The following KCNC2 variants were observed in gnomAD, a reference collection of about 807,000 sequenced individuals.
KCNC2 encodes the protein potassium voltage-gated channel subfamily C member 2.
Under a neutral mutation model 44.5 loss-of-function variants are expected in KCNC2, and 21 were observed. The observed-to-expected ratio is 0.47, with a 90% CI of 0.33 to 0.68. KCNC2 has a LOEUF of 0.68. KCNC2 is among the 30% of genes least tolerant of loss of function. The probability of loss-of-function intolerance (pLI) is 0.01; values close to 1 mark genes in which losing one functional copy is unlikely to be tolerated. For synonymous variants in KCNC2, 391 were observed against 339.1 expected (o/e 1.15, Z -1.68); for missense variants, 589 against 826.2 (o/e 0.71, Z 3.52).
intron 2 of KCNC2, among the ~76,000 whole-genome samples, chr12:75,137,661 A>G (rs750093210): frequency 3.3e-5 from 5 of 152,210 alleles, no homozygotes; most frequent in Non-Finnish European, 7.4e-5. Context: ...TATACAGATC[A>G]TCCATATTTC....
chr12:75,051,356 T>C, intron 2 of KCNC2, 39 bp from the exon 3 acceptor site: 1 of 1,118,122 alleles, frequency 8.9e-7, no homozygotes, highest in South Asian at 1.6e-5. Context: ...CATAGTGATC[T>C]GAATCGTAAT....
chr12:75,145,824 T>C (rs1889983065), intron 2 of KCNC2, among the ~76,000 whole-genome samples: 4 of 152,294 alleles, frequency 2.6e-5, no homozygotes. Flanking sequence ...AAATGAACAC[T>C]TTCATGTCCA....
intron 2 of KCNC2, among the ~76,000 whole-genome samples, chr12:75,200,076 A>C (rs1441815198): frequency 6.6e-6 from 1 of 151,786 alleles, no homozygotes; most frequent in Non-Finnish European, 1.5e-5. Context: ...AAATAAGGCA[A>C]ATCCCTAAAA....
chr12:75,107,301 C>T (rs1886869558), intron 2 of KCNC2, among the ~76,000 whole-genome samples: 1 of 149,996 alleles, frequency 6.7e-6, no homozygotes, highest in Non-Finnish European at 1.5e-5. Flanking sequence ...GAGACTCCAT[C>T]TCAAAAAAAT....
At chr12:75,135,999 T>C (rs1255096792) in intron 2 of KCNC2, among the ~76,000 whole-genome samples, 21 of 151,956 alleles carry the variant, frequency 1.4e-4, no homozygotes, top group Non-Finnish European at 2.9e-5. Context: ...CAGAGAAAAA[T>C]TTCCCTCCAC....
chr12:75,207,346 G>A lies in KCNC2; in HGVS notation c.638C>T (p.Pro213Leu), dbSNP rs2031768760. 1.3e-6 allele frequency: 2 copies of A among 1,575,700 alleles called. No individual in the cohort carries two copies. The highest frequency in any genetic ancestry group is 2.3e-5 in the East Asian group (1 of 42,698). Residue 213 changes from proline to leucine, a missense_variant, in exon 2 of 5, where the codon CCC becomes CTC. Physicochemically the swap from Pro to Leu is moderately conservative, Grantham distance 98. Transcript: ENST00000549446. The surrounding 1 kb of genome is among the most constrained non-coding windows in gnomAD (Gnocchi z 4.1). ...GKSGRWRRLQPRMWALFEDPY... is the reference protein window; with the variant it reads ...GKSGRWRRLQLRMWALFEDPY... ...GTCTTCGAAGAGGGCCCACATGCGGGGCTGCAGCCTCCTCCAGCGGCCAGA... is the reference window on the plus strand; with the variant it reads ...GTCTTCGAAGAGGGCCCACATGCGGAGCTGCAGCCTCCTCCAGCGGCCAGA...
At chr12:75,076,038 TACACACACACACACACACACAC>T (rs71078709) in intron 2 of KCNC2, among the ~76,000 whole-genome samples, 1 of 141,344 alleles carries the variant, frequency 7.1e-6, no homozygotes. Flanking sequence ...TAATGTTACA[TACACACACACACACACACACAC>T]ACACACACAC....
chr12:75,103,887 T>C (rs1348647735), intron 2 of KCNC2, among the ~76,000 whole-genome samples: 1 of 152,218 alleles, frequency 6.6e-6, no homozygotes, highest in African/African-American at 2.4e-5. Context: ...AAAATATCTA[T>C]GGTACTGTAC....
At chr12:75,139,587 G>C (rs957055639) in intron 2 of KCNC2, among the ~76,000 whole-genome samples, 1 of 152,116 alleles carries the variant, frequency 6.6e-6, no homozygotes. Context: ...CCCTGACTCA[G>C]CCTTTCTCTC....
At chr12:75,096,603 G>GT (rs1425233438) in intron 2 of KCNC2, among the ~76,000 whole-genome samples, 1 of 151,992 alleles carries the variant, frequency 6.6e-6, no homozygotes, top group African/African-American at 2.4e-5. Flanking sequence ...CTGAGTGACA[G>GT]TAAGAGGCAG....
intron 2 of KCNC2, among the ~76,000 whole-genome samples, chr12:75,149,787 G>A (rs551317992): frequency 3.6e-4 from 54 of 151,544 alleles, no homozygotes; most frequent in Non-Finnish European, 4.7e-4. Flanking sequence ...ATAAAAATGC[G>A]TAAATATAAT....
Position 75,199,969 on chromosome 12 carries a change from T to C in KCNC2, c.687+7328A>G, listed in dbSNP as rs564626868. ...AAGGGAAAAAAAGTGGTTAAGTGCA[T>C]AAGCAGGCTATTTTTAAGGCTTTTT... On this transcript the variant is annotated intron_variant, in intron 2 of 4. Transcript: ENST00000549446. 4.6e-5 allele frequency among the ~76,000 whole-genome samples: 7 copies of C among 151,920 alleles called. No homozygotes were observed. The East Asian group carries it at 1.4e-3, about 29-fold the overall frequency.
rs373084311 is a variant in KCNC2 at position 75,117,889 on chromosome 12, A to G, written c.688-66572T>C. 9.1e-4 allele frequency among the ~76,000 whole-genome samples: 138 copies of G among 152,280 alleles called. 2 individuals are homozygous for G. The South Asian group carries it at 0.024, about 27-fold the overall frequency. On this transcript the variant is annotated intron_variant, in intron 2 of 4. Transcript: ENST00000549446. ...GGCAATGAAGTTTGGGCATTACACAACTAAAGAGGTTACTACTCACCCATA... is the reference window on the plus strand; with the variant it reads ...GGCAATGAAGTTTGGGCATTACACAGCTAAAGAGGTTACTACTCACCCATA...
intron 2 of KCNC2, among the ~76,000 whole-genome samples, chr12:75,059,248 G>C (rs1460639011): frequency 6.6e-6 from 1 of 152,108 alleles, no homozygotes; most frequent in African/African-American, 2.4e-5. Context: ...GCCTTAACAA[G>C]TTAACTATAT....
chr12:75,106,419 T>A (rs1466627100), intron 2 of KCNC2, among the ~76,000 whole-genome samples: 1 of 152,142 alleles, frequency 6.6e-6, no homozygotes, highest in Non-Finnish European at 1.5e-5. Flanking sequence ...GTTATTCCGG[T>A]GGTAAGCTAA....
chr12:75,105,921 T>C (rs1370632204), intron 2 of KCNC2, among the ~76,000 whole-genome samples: 1 of 151,872 alleles, frequency 6.6e-6, no homozygotes, highest in Non-Finnish European at 1.5e-5. Flanking sequence ...CTTTCTTTTT[T>C]TTTTTAGACT....
chr12:75,109,056 C>G (rs1294858056), intron 2 of KCNC2, among the ~76,000 whole-genome samples: 1 of 152,124 alleles, frequency 6.6e-6, no homozygotes, highest in Non-Finnish European at 1.5e-5. Flanking sequence ...CCTAATGCAA[C>G]AGTGGGCAGG....
intron 2 of KCNC2, among the ~76,000 whole-genome samples, chr12:75,082,482 C>G (rs1277663083): frequency 1.3e-5 from 2 of 148,320 alleles, no homozygotes; most frequent in Non-Finnish European, 3.0e-5. Flanking sequence ...AATGTAAATT[C>G]TATTTGATTC....
At position 75,042,311 on chromosome 12, in the gene KCNC2, C is replaced by T. The variant is rs764183387; in HGVS notation, c.*794G>A. ...CTCATGTTTTGTGCCTTCCCCAAGTCATTAAGTAAGAGATCTGGCCTCGGC... is the reference window on the plus strand; with the variant it reads ...CTCATGTTTTGTGCCTTCCCCAAGTTATTAAGTAAGAGATCTGGCCTCGGC... On this transcript the variant is annotated 3_prime_UTR_variant, in exon 5 of 5. Coordinates refer to ENST00000549446, the MANE Select transcript of KCNC2 (RefSeq NM_139137.4). 3.1e-6 allele frequency: 5 copies of T among 1,611,158 alleles called. No homozygotes were observed. The South Asian group carries it at 4.4e-5, about 14-fold the overall frequency.
Sources: gnomAD v4.1 joint callset for allele counts (sites outside exome capture counted in the v4.1 genomes callset) on GRCh38, gnomAD v4.1.1 for gene constraint, Gnocchi (gnomAD v3.1) non-coding constraint, MANE v1.5 for transcripts, NCBI Gene and HGNC (gene_info 2026-07-23, HGNC 2026-07-21) for gene names.